Variants in ZYX observed in about 807,000 individuals in gnomAD.
ZYX encodes the protein zyxin.
Under a neutral mutation model 58.1 loss-of-function variants are expected in ZYX, and 37 were observed. The observed-to-expected ratio is 0.64, with a 90% CI of 0.49 to 0.84. The LOEUF is 0.84. Among genes scored for constraint, ZYX ranks in the 40% least tolerant of loss-of-function variants. The probability of loss-of-function intolerance (pLI) is 0.00; values close to 1 mark genes in which losing one functional copy is unlikely to be tolerated. For synonymous variants in ZYX, 324 were observed against 321.1 expected, an observed-to-expected ratio of 1.01 and a Z score of -0.10; for missense variants, 762 against 761.6, an observed-to-expected ratio of 1.00 and a Z score of -0.01.
chr7:143,382,747 A>G, intron 4 of ZYX, 54 bp from the exon 5 acceptor site: 1 of 1,613,690 alleles, frequency 6.2e-7, no homozygotes, highest in Admixed American at 1.7e-5. Flanking sequence ...CATAGAACTA[A>G]GGAGGATGGT....
rs776780340 is a variant in ZYX at position 143,382,812 on chromosome 7, A to G, written c.513A>G (p.Gly171=). 2.5e-6 allele frequency: 4 copies of G among 1,606,008 alleles called. No individual in the cohort carries two copies. The African/African-American group carries it at 4.0e-5, about 16-fold the overall frequency. The change falls in exon 5 of 10, where the codon GGA becomes GGG. Residue 171 remains glycine, a synonymous_variant. Transcript: ENST00000322764. ...CCCACCCCTTGCAGGTGTCATCTGG[A>G]TATGTGCCCCCACCAGTGGCCACTC... is the stretch of plus-strand genomic sequence containing the variant. ...NDPFKARVSS[G]YVPPPVATPF...
intron 1 of ZYX, 47 bp from the exon 2 acceptor site, chr7:143,381,510 G>A: frequency 1.3e-6 from 2 of 1,545,516 alleles, no homozygotes; most frequent in Non-Finnish European, 1.7e-6. Flanking sequence ...ACCGCCTGGG[G>A]CTCCTGAGCC....
chr7:143,383,641 G>A (rs1046802592), intron 5 of ZYX, among the ~76,000 whole-genome samples: 7 of 152,224 alleles, frequency 4.6e-5, no homozygotes, highest in East Asian at 1.9e-4. Flanking sequence ...AGGGAGGGAT[G>A]AGATCACCAG....
rs1443630602 is a variant in ZYX at position 143,381,568 on chromosome 7, G to A, written c.-4G>A. The A allele has an allele frequency of 1.2e-6, 2 of 1,609,362 alleles. No individual in the cohort carries two copies. Among genetic ancestry groups the A allele is most frequent in the South Asian group, 2.2e-5 (2 of 90,762 alleles). ...GCGACCCACCCCAGCAGCCCGGCCC[G>A]GCCATGGCGGCCCCCCGCCCGTCTC... On this transcript the variant is annotated 5_prime_UTR_variant, in exon 2 of 10. Coordinates refer to ENST00000322764, the MANE Select transcript of ZYX (RefSeq NM_003461.5).
chr7:143,388,770 A>C lies in ZYX; in HGVS notation c.1318A>C (p.Thr440Pro), dbSNP rs1178793708. The stretch of plus-strand genomic sequence containing the variant: ...CCTCCTCCTGCTGCCTCCTCAGGAC[A>C]CCCTGGAGAAGTGTAACACCTGCGG... Reference protein sequence around the residue: ...APYCEGCYTDTLEKCNTCGEP... With the variant: ...APYCEGCYTDPLEKCNTCGEP... The change falls in exon 8 of 10, where the codon ACC becomes CCC. Residue 440 changes from threonine to proline, a missense_variant. Transcript: ENST00000322764. The surrounding 1 kb of genome is among the most constrained non-coding windows in gnomAD (Gnocchi z 7.5). 1 of 1,612,860 alleles carries C rather than the reference A, an allele frequency of 6.2e-7. No homozygotes were observed. The highest frequency in any genetic ancestry group is 8.5e-7 in the Non-Finnish European group (1 of 1,179,420).
chr7:143,387,675 C>T lies in ZYX; in HGVS notation c.1024-544C>T, dbSNP rs1002604748. 3 of 470,970 alleles carry T rather than the reference C, an allele frequency of 6.4e-6. No homozygotes were observed. Among genetic ancestry groups the T allele is most frequent in the South Asian group, 4.6e-5 (3 of 64,560 alleles). The allele number at this position is 470,970 out of a possible 1,614,324, so 29.2% of individuals were successfully genotyped here. A position where few individuals can be genotyped will look rare whatever the true frequency, so the allele number is the denominator to read the frequency against. ...GCCCCTCACTCGAGGGACAGGGTCTCTGTGTGGGGGTGGGGCTGGGTTCTT... is the reference window on the plus strand; with the variant it reads ...GCCCCTCACTCGAGGGACAGGGTCTTTGTGTGGGGGTGGGGCTGGGTTCTT... On this transcript the variant is annotated intron_variant, in intron 5 of 9. Coordinates refer to ENST00000322764, the MANE Select transcript of ZYX (RefSeq NM_003461.5). This position sits in a 1 kb window ranked among gnomAD's most constrained non-coding sequence, Gnocchi z 5.8.
chr7:143,388,267 G>A lies in ZYX; in HGVS notation c.1072G>A (p.Glu358Lys). The change falls in exon 6 of 10, where the codon GAG becomes AAG. Residue 358 changes from glutamate (E) to lysine (K), a missense_variant. By Grantham distance (56) the Glu-to-Lys change is moderately conservative. Coordinates refer to ENST00000322764, the MANE Select transcript of ZYX (RefSeq NM_003461.5). The surrounding 1 kb of genome is among the most constrained non-coding windows in gnomAD (Gnocchi z 7.5). Reference protein sequence around the residue: ...PGPLTLKEVEELEQLTQQLMQ... With the variant: ...PGPLTLKEVEKLEQLTQQLMQ... Reference sequence around the variant, plus strand: ...GCCCCTGACTCTGAAGGAGGTGGAGGAGCTGGAGCAGCTGACCCAGCAGCT... The same window carrying A: ...GCCCCTGACTCTGAAGGAGGTGGAGAAGCTGGAGCAGCTGACCCAGCAGCT... 6.2e-7 allele frequency: 1 copy of A among 1,613,374 alleles called. No individual in the cohort carries two copies. Among genetic ancestry groups the A allele is most frequent in the Non-Finnish European group, 8.5e-7 (1 of 1,179,654 alleles).
rs1563111467 is a variant in ZYX, at chr7:143,389,621, CG to C, written c.1494-235del. The stretch of plus-strand genomic sequence containing the variant: ...GTAAGGGTCGAGTGGGAGAGAACAC[CG>C]TGGCAGGTGTGTGGGAGGCTCCCTT... On this transcript the variant is annotated intron_variant, in intron 8 of 9. Transcript: ENST00000322764. This position sits in a 1 kb window ranked among gnomAD's most constrained non-coding sequence, Gnocchi z 5.6. 6.6e-6 allele frequency among the ~76,000 whole-genome samples: 1 copy of C among 152,116 alleles called. No homozygotes were observed. The highest frequency in any genetic ancestry group is 2.4e-5 in the African/African-American group (1 of 41,428).
rs200212686 is a variant in ZYX, at chr7:143,382,599, G to A, written c.415G>A (p.Glu139Lys). Residue 139 changes from glutamate (E) to lysine (K), a missense_variant, in exon 4 of 10, where the codon GAG becomes AAG. By Grantham distance (56) the Glu-to-Lys change is moderately conservative (BLOSUM62 1). Transcript: ENST00000322764. ...APIPPPPQPR[E>K]KVSSIDLEID... is the part of the protein sequence containing the mutation. ...CTGACCTCTGACCCTCTAGCCCAGG[G>A]AGAAGGTGAGCAGTATTGATTTGGA... 1.9e-5 allele frequency: 31 copies of A among 1,613,990 alleles called. No individual in the cohort carries two copies. In the East Asian group the frequency reaches 6.7e-4, roughly 35 times the overall value.
At chr7:143,386,791 C>A (rs999029127) in intron 5 of ZYX, among the ~76,000 whole-genome samples, 13 of 152,042 alleles carry the variant, frequency 8.6e-5, no homozygotes, top group Non-Finnish European at 1.8e-4. Flanking sequence ...TAATGGCTGG[C>A]AAGAGACTTG....
Position 143,388,145 on chromosome 7 carries a change from C to T in ZYX, c.1024-74C>T. ...GGGAGCTAAGCCTCATCGGAAGAAGCCGGGTAGGCTGGCCTGGGAAGGTTC... is the reference window on the plus strand; with the variant it reads ...GGGAGCTAAGCCTCATCGGAAGAAGTCGGGTAGGCTGGCCTGGGAAGGTTC... On this transcript the variant is annotated intron_variant, in intron 5 of 9. Transcript: ENST00000322764. This position sits in a 1 kb window ranked among gnomAD's most constrained non-coding sequence, Gnocchi z 7.5. 2.0e-6 allele frequency: 3 copies of T among 1,510,280 alleles called. No individual in the cohort carries two copies. The African/African-American group carries it at 4.2e-5, about 21-fold the overall frequency. 93.6% of individuals were successfully genotyped at this position (1,510,280 alleles called of 1,614,324 possible).
chr7:143,381,822 G>T, intron 2 of ZYX, 43 bp downstream of exon 2: 1 of 1,479,968 alleles, frequency 6.8e-7, no homozygotes. Context: ...CAGGAGCCGG[G>T]GTGGGGGGCA....
In ZYX at chr7:143,388,642, G is replaced by T. The variant is rs1586571172; in HGVS notation, c.1298G>T (p.Cys433Phe). 6.2e-6 allele frequency: 10 copies of T among 1,613,620 alleles called. No individual in the cohort carries two copies. The highest frequency in any genetic ancestry group is 7.6e-6 in the Non-Finnish European group (9 of 1,179,912). The change falls in exon 7 of 10, where the codon TGC (cysteine) becomes TTC (phenylalanine). Residue 433 changes from cysteine to phenylalanine, a missense_variant. By Grantham distance (205) the Cys-to-Phe change is radical. Transcript: ENST00000322764. This position sits in a 1 kb window ranked among gnomAD's most constrained non-coding sequence, Gnocchi z 7.5. Reference protein sequence around the residue: ...QFYSLEGAPYCEGCYTDTLEK... With the variant: ...QFYSLEGAPYFEGCYTDTLEK... The stretch of plus-strand genomic sequence containing the variant: ...TACAGTCTGGAGGGGGCGCCGTACT[G>T]CGAGGGCTGTTACACTGTGAGTCGG...
rs751018564 is a variant in ZYX, at chr7:143,388,278, G to A, written c.1083G>A (p.Gln361=). Residue 361 remains glutamine, a synonymous_variant, in exon 6 of 10, where the codon CAG becomes CAA. Transcript: ENST00000322764. The surrounding 1 kb of genome is among the most constrained non-coding windows in gnomAD (Gnocchi z 7.5). ...LTLKEVEELE[Q]LTQQLMQDME... ...TGAAGGAGGTGGAGGAGCTGGAGCA[G>A]CTGACCCAGCAGCTAATGCAGGACA... 2.5e-6 allele frequency: 4 copies of A among 1,613,528 alleles called. No homozygotes were observed. The Admixed American group carries it at 6.7e-5, about 27-fold the overall frequency.
chr7:143,389,546 G>T lies in ZYX; in HGVS notation c.1494-311G>T, dbSNP rs190980927. 1.9e-3 allele frequency among the ~76,000 whole-genome samples: 286 copies of T among 152,346 alleles called. No homozygotes were observed. Among genetic ancestry groups the T allele is most frequent in the African/African-American group, 6.4e-3 (266 of 41,572 alleles). On this transcript the variant is annotated intron_variant, in intron 8 of 9. Coordinates refer to ENST00000322764, the MANE Select transcript of ZYX (RefSeq NM_003461.5). This position sits in a 1 kb window ranked among gnomAD's most constrained non-coding sequence, Gnocchi z 5.6. ...GTCAGGGACCCAGGATGGGATGGGA[G>T]GGGTACCTCAGGGCTGGCTTTCTGC...
rs201007727 is a variant in ZYX at position 143,388,636 on chromosome 7, C to G, written c.1292C>G (p.Pro431Arg). ...GQQFYSLEGA[P>R]YCEGCYTDTL... is the part of the protein sequence containing the mutation. ...CAGTTCTACAGTCTGGAGGGGGCGCCGTACTGCGAGGGCTGTTACACTGTG... is the reference window on the plus strand; with the variant it reads ...CAGTTCTACAGTCTGGAGGGGGCGCGGTACTGCGAGGGCTGTTACACTGTG... Residue 431 changes from proline to arginine, a missense_variant, in exon 7 of 10, where the codon CCG (proline) becomes CGG (arginine). Coordinates refer to ENST00000322764, the MANE Select transcript of ZYX (RefSeq NM_003461.5). The surrounding 1 kb of genome is among the most constrained non-coding windows in gnomAD (Gnocchi z 7.5). 1.9e-6 allele frequency: 3 copies of G among 1,613,454 alleles called. No individual in the cohort carries two copies. The African/African-American group carries it at 4.0e-5, about 22-fold the overall frequency.
intron 5 of ZYX, among the ~76,000 whole-genome samples, chr7:143,385,977 T>G (rs1397440196): frequency 5.3e-5 from 8 of 151,050 alleles, no homozygotes; most frequent in Non-Finnish European, 8.9e-5. Context: ...GAGTGGTGTG[T>G]GTGTGTGTGG....
chr7:143,381,446 AG>A, intron 1 of ZYX, 37 bp downstream of exon 1: 1 of 1,285,748 alleles, frequency 7.8e-7, no homozygotes, highest in Non-Finnish European at 9.9e-7. Context: ...CCCCACGGGG[AG>A]GGGGCGCGGG....
rs1804584705 is a variant in ZYX at position 143,381,603 on chromosome 7, C to G, written c.32C>G (p.Ser11Cys). ...GCCCCCCGCCCGTCTCCCGCGATCT[C>G]CGTTTCGGTCTCGGCTCCGGCTTTT... is the stretch of plus-strand genomic sequence containing the variant. Reference protein sequence around the residue: MAAPRPSPAISVSVSAPAFYA... With the variant: MAAPRPSPAICVSVSAPAFYA... The change falls in exon 2 of 10, where the codon TCC becomes TGC. Residue 11 changes from serine (S) to cysteine (C), a missense_variant. Transcript: ENST00000322764. The G allele has an allele frequency of 6.2e-7, 1 of 1,611,702 alleles. No homozygotes were observed. Among genetic ancestry groups the G allele is most frequent in the East Asian group, 2.2e-5 (1 of 44,834 alleles).
Sources: allele counts gnomAD v4.1 joint callset (sites outside exome capture counted in the v4.1 genomes callset), GRCh38; gene constraint gnomAD v4.1.1; non-coding constraint Gnocchi (gnomAD v3.1); transcripts MANE v1.5; gene names NCBI Gene and HGNC (gene_info 2026-07-23, HGNC 2026-07-21).